The following MAP4K5 variants were observed in gnomAD, a reference collection of about 807,000 sequenced individuals.
MAP4K5 encodes mitogen-activated protein kinase kinase kinase kinase 5, also known as MAPK/ERK kinase kinase kinase 5.
A neutral mutation model predicts 135.6 loss-of-function variants in MAP4K5; 82 were observed. The observed-to-expected ratio is 0.60, with a 90% CI of 0.51 to 0.73. The LOEUF is 0.73. Ranked by LOEUF, MAP4K5 falls within the 30% of genes least tolerant of loss-of-function variation. The probability of loss-of-function intolerance (pLI) is 0.00; values close to 1 mark genes in which losing one functional copy is unlikely to be tolerated. For missense variants in MAP4K5, 907 were observed against 1,010.9 expected (o/e 0.90, Z 1.39); for synonymous variants, 347 against 335.0 (o/e 1.04, Z -0.39).
chr14:50,517,558 G>A (rs1291164345), intron 2 of MAP4K5, among the ~76,000 whole-genome samples: 7 of 151,790 alleles, frequency 4.6e-5, no homozygotes, highest in Admixed American at 2.0e-4. Context: ...ACTTGAGGTC[G>A]GGAGTTCAAG....
At chr14:50,487,923 C>A (rs2037402318) in intron 3 of MAP4K5, among the ~76,000 whole-genome samples, 2 of 151,970 alleles carry the variant, frequency 1.3e-5, no homozygotes, top group African/African-American at 4.8e-5. Flanking sequence ...AAATTCTAGC[C>A]CATCTTTCAT....
chr14:50,514,348 G>T (rs898216038), intron 2 of MAP4K5, among the ~76,000 whole-genome samples: 1 of 152,070 alleles, frequency 6.6e-6, no homozygotes, highest in Non-Finnish European at 1.5e-5. Context: ...CTCCCAAAGT[G>T]CTGGGATTAC....
At chr14:50,504,614 C>T (rs2037771242) in intron 3 of MAP4K5, among the ~76,000 whole-genome samples, 186 bp downstream of exon 3, 2 of 152,056 alleles carry the variant, frequency 1.3e-5, no homozygotes, top group Admixed American at 6.6e-5. Flanking sequence ...GTGTACATGT[C>T]AAATTTTATT....
At chr14:50,440,474 C>T in intron 21 of MAP4K5, 33 bp from the exon 22 acceptor site, 1 of 1,113,654 alleles carries the variant, frequency 9.0e-7, no homozygotes, top group Non-Finnish European at 1.3e-6. Flanking sequence ...CCAGAATTTA[C>T]CATCATCTTC....
intron 12 of MAP4K5, among the ~76,000 whole-genome samples, 175 bp downstream of exon 12, chr14:50,463,873 AGAGT>A (rs1488523111): frequency 8.2e-6 from 1 of 121,992 alleles, no homozygotes; most frequent in African/African-American, 3.2e-5. Context: ...TCTGGGTGAC[AGAGT>A]GAGACCCTGT....
chr14:50,553,992 G>A (rs2038735431), intron 1 of MAP4K5, among the ~76,000 whole-genome samples: 1 of 152,028 alleles, frequency 6.6e-6, no homozygotes, highest in South Asian at 2.1e-4. Context: ...TACATATTTG[G>A]TACAGTATAC....
chr14:50,438,922 T>C (rs1265322718), intron 23 of MAP4K5, among the ~76,000 whole-genome samples: 1 of 152,022 alleles, frequency 6.6e-6, no homozygotes, highest in Non-Finnish European at 1.5e-5. Flanking sequence ...AAGACAAGTA[T>C]GAGTAGGGAT....
At chr14:50,482,580 T>C (rs2139911951) in intron 5 of MAP4K5, 164 bp from the exon 6 acceptor site, 6 of 485,018 alleles carry the variant, frequency 1.2e-5, no homozygotes, top group South Asian at 2.4e-5. Context: ...AGCTCGAGAC[T>C]ATCCTGGCCA....
chr14:50,506,879 C>T (rs1169726140), intron 2 of MAP4K5, among the ~76,000 whole-genome samples: 3 of 152,218 alleles, frequency 2.0e-5, no homozygotes, highest in African/African-American at 7.2e-5. Flanking sequence ...ACCCTCTCCT[C>T]TTTCTGCCAT....
intron 6 of MAP4K5, among the ~76,000 whole-genome samples, chr14:50,479,898 C>T (rs748457776): frequency 7.9e-5 from 12 of 152,280 alleles, no homozygotes; most frequent in Non-Finnish European, 1.3e-4. Flanking sequence ...ACTTTCCCAA[C>T]GCCATAAGCT....
chr14:50,472,038 A>G (rs2036976300), intron 9 of MAP4K5: 1 of 152,434 alleles, frequency 6.6e-6, no homozygotes, highest in South Asian at 2.1e-4. Flanking sequence ...CTTTAAACAC[A>G]TGAGAGAACT....
intron 28 of MAP4K5, among the ~76,000 whole-genome samples, chr14:50,430,734 C>T (rs1262937665): frequency 6.6e-6 from 1 of 152,130 alleles, no homozygotes; most frequent in African/African-American, 2.4e-5. Flanking sequence ...GACTGAGCTA[C>T]ATTTCTAATA....
rs148609812 is a variant in MAP4K5, at chr14:50,420,642, CAACA to C, written c.2454-540_2454-537del. The stretch of plus-strand genomic sequence containing the variant: ...GTGAGACCCCTTCTCAAATAAAAAA[CAACA>C]AACAAAATTTGCTTACTCATTTATG... On this transcript the variant is annotated intron_variant, in intron 32 of 32. Coordinates refer to ENST00000682126, the MANE Select transcript of MAP4K5 (RefSeq NM_006575.6). 5.0e-3 allele frequency among the ~76,000 whole-genome samples: 764 copies of C among 152,006 alleles called. 3 individuals carry two copies. Among genetic ancestry groups the C allele is most frequent in the African/African-American group, 0.017 (714 of 41,456 alleles).
At chr14:50,513,568 A>G (rs2037972296) in intron 2 of MAP4K5, among the ~76,000 whole-genome samples, 1 of 96,290 alleles carries the variant, frequency 1.0e-5, no homozygotes, top group Admixed American at 1.3e-4. Context: ...TTGAAAGATA[A>G]TTTTTTATAA....
At chr14:50,426,834 T>G (rs925851770) in intron 30 of MAP4K5, among the ~76,000 whole-genome samples, 5 of 152,254 alleles carry the variant, frequency 3.3e-5, no homozygotes, top group Admixed American at 6.5e-5. Context: ...CATAAAATTC[T>G]TAGTATTTAA....
intron 2 of MAP4K5, among the ~76,000 whole-genome samples, chr14:50,512,146 G>T (rs2037942891): frequency 6.6e-6 from 1 of 151,924 alleles, no homozygotes; most frequent in Non-Finnish European, 1.5e-5. Context: ...GGAATTCAGG[G>T]GTTGGCTAAA....
At chr14:50,420,456 C>A (rs1039761300) in intron 32 of MAP4K5, among the ~76,000 whole-genome samples, 3 of 151,472 alleles carry the variant, frequency 2.0e-5, no homozygotes, top group Non-Finnish European at 4.4e-5. Context: ...GATGGCAAGA[C>A]CCCAACTCTA....
chr14:50,429,312 A>G, intron 28 of MAP4K5, 52 bp from the exon 29 acceptor site: 2 of 1,070,518 alleles, frequency 1.9e-6, no homozygotes, highest in African/African-American at 3.2e-5. Flanking sequence ...CCTAGAGCCT[A>G]GAAAATAAAC....
intron 2 of MAP4K5, among the ~76,000 whole-genome samples, chr14:50,517,592 A>C (rs1437334431): frequency 2.0e-5 from 3 of 152,002 alleles, no homozygotes; most frequent in Non-Finnish European, 2.9e-5. Flanking sequence ...ACATGGTGAA[A>C]TCCTGTCTCT....
Sources: allele counts gnomAD v4.1 joint callset (sites outside exome capture counted in the v4.1 genomes callset), GRCh38; gene constraint gnomAD v4.1.1; transcripts MANE v1.5; gene names NCBI Gene and HGNC (gene_info 2026-07-23, HGNC 2026-07-21).